DHRS12: variants seen among roughly 807,000 people sequenced by gnomAD.
DHRS12 encodes dehydrogenase/reductase 12, also known as dehydrogenase/reductase SDR family member 12.
In DHRS12, 29 loss-of-function variants were observed where a neutral mutation model predicts 32.1. The observed-to-expected ratio is 0.90, with a 90% CI of 0.67 to 1.23. The LOEUF is 1.23. Among genes scored for constraint, DHRS12 ranks in the 50% most tolerant of loss-of-function variants. DHRS12 has a pLI of 0.00. For synonymous variants in DHRS12, 150 were observed against 135.9 expected (o/e 1.10, Z -0.72); for missense variants, 330 against 337.2 (o/e 0.98, Z 0.17).
rs1953833282 is a variant in DHRS12, at chr13:51,768,110, CTT to C, written c.*75_*76del. 1.3e-6 allele frequency: 2 copies of C among 1,510,340 alleles called. No individual in the cohort carries two copies. The highest frequency in any genetic ancestry group is 2.8e-5 in the African/African-American group (2 of 71,008). The allele number at this position is 1,510,340 out of a possible 1,614,324, so 93.6% of individuals were successfully genotyped here. On this transcript the variant is annotated 3_prime_UTR_variant, in exon 9 of 9. Coordinates refer to ENST00000444610, the MANE Select transcript of DHRS12 (RefSeq NM_001377533.1). ...CGAGGGGAAGTTGAAGTGGGGTCTT[CTT>C]ATTCACTGGTCCCTAGACCGCACCT...
the DHRS12 span, chr13:51,755,329 G>C: frequency 1.9e-6 from 3 of 1,609,786 alleles, no homozygotes; most frequent in East Asian, 4.5e-5. Context: ...GCTGGCCACA[G>C]TGACCTGTTC....
the DHRS12 span, chr13:51,759,724 C>T: frequency 1.2e-6 from 2 of 1,613,782 alleles, no homozygotes; most frequent in Non-Finnish European, 1.7e-6. Context: ...TCTGTATCTT[C>T]TTTTTCTTTT....
intron 3 of DHRS12, among the ~76,000 whole-genome samples, chr13:51,790,473 C>T (rs925648585): frequency 6.6e-6 from 1 of 152,044 alleles, no homozygotes; most frequent in African/African-American, 2.4e-5. Context: ...CCAAATATAT[C>T]CAAAATAGCA....
chr13:51,797,675 G>A (rs1344994446), intron 2 of DHRS12: 1 of 746,814 alleles, frequency 1.3e-6, no homozygotes, highest in Non-Finnish European at 2.1e-6. Context: ...TCAAAAGCAG[G>A]GCCCAGCTCC....
intron 6 of DHRS12, chr13:51,772,756 A>C: frequency 2.0e-6 from 2 of 985,412 alleles, no homozygotes; most frequent in Non-Finnish European, 2.4e-6. Flanking sequence ...AAAGAACTCC[A>C]TCTCTGGGCC....
intron 1 of DHRS12, among the ~76,000 whole-genome samples, chr13:51,802,006 C>G (rs1955777575): frequency 6.6e-6 from 1 of 152,170 alleles, no homozygotes; most frequent in South Asian, 2.1e-4. Flanking sequence ...AGGACATGTC[C>G]CCGCCCTCTG....
downstream of DHRS12, chr13:51,767,853 T>TGTAGA: frequency 3.8e-6 from 1 of 264,904 alleles, no homozygotes; most frequent in Non-Finnish European, 5.6e-6. Context: ...GGAAGTGGAG[T>TGTAGA]TCACAGGGGG....
downstream of DHRS12, chr13:51,766,987 C>T (rs1451024051): frequency 6.6e-6 from 1 of 152,214 alleles, no homozygotes; most frequent in Non-Finnish European, 1.5e-5. Context: ...AGTCTAAGCA[C>T]AGCACACGGG....
intron 4 of DHRS12, among the ~76,000 whole-genome samples, chr13:51,787,178 T>C: frequency 6.6e-6 from 1 of 152,170 alleles, no homozygotes; most frequent in East Asian, 1.9e-4. Flanking sequence ...AAGATGTTTC[T>C]AACACAAACA....
intron 4 of DHRS12, among the ~76,000 whole-genome samples, chr13:51,787,753 T>G (rs7338618): frequency 3.1e-5 from 2 of 64,456 alleles, no homozygotes; most frequent in South Asian, 1.1e-3. Flanking sequence ...TTATATATTT[T>G]TATATATAAT....
intron 1 of DHRS12, among the ~76,000 whole-genome samples, chr13:51,801,922 T>A (rs903578945): frequency 2.0e-5 from 3 of 152,156 alleles, no homozygotes; most frequent in African/African-American, 4.8e-5. Context: ...TGAGGCTGGC[T>A]CCTCTGGGTT....
intron 2 of DHRS12, among the ~76,000 whole-genome samples, chr13:51,792,784 G>A (rs571640207): frequency 3.7e-4 from 56 of 152,242 alleles, no homozygotes; most frequent in East Asian, 5.8e-4. Flanking sequence ...AAGTTACGTC[G>A]TTGTTTGTTT....
In DHRS12 at chr13:51,768,068, G is replaced by C; in HGVS notation, c.*119C>G. On this transcript the variant is annotated 3_prime_UTR_variant, in exon 9 of 9. Coordinates refer to ENST00000444610, the MANE Select transcript of DHRS12 (RefSeq NM_001377533.1). Reference sequence around the variant, plus strand: ...GTTCCCATCCCTTGTAGGCCTCGCTGTGAGGCACAACGTCTTCGAGGGGAA... The same window carrying C: ...GTTCCCATCCCTTGTAGGCCTCGCTCTGAGGCACAACGTCTTCGAGGGGAA... 1 of 1,474,706 alleles carries C rather than the reference G, an allele frequency of 6.8e-7. No individual in the cohort carries two copies. Among genetic ancestry groups the C allele is most frequent in the Non-Finnish European group, 9.0e-7 (1 of 1,116,926 alleles). The allele number at this position is 1,474,706 out of a possible 1,614,324, so 91.4% of individuals were successfully genotyped here.
chr13:51,779,091 A>G (rs1954581672), intron 4 of DHRS12, among the ~76,000 whole-genome samples: 2 of 152,082 alleles, frequency 1.3e-5, no homozygotes, highest in Non-Finnish European at 1.5e-5. Context: ...CTGCATGCCA[A>G]CCCATGCCAA....
At chr13:51,788,234 G>A (rs889224870) in intron 4 of DHRS12, among the ~76,000 whole-genome samples, 2 of 151,980 alleles carry the variant, frequency 1.3e-5, no homozygotes, top group Admixed American at 6.6e-5. Flanking sequence ...GGCCAGCTGC[G>A]GCACTCTGGG....
At chr13:51,799,260 CT>C (rs1327741917) in intron 2 of DHRS12, among the ~76,000 whole-genome samples, 1 of 152,152 alleles carries the variant, frequency 6.6e-6, no homozygotes. Context: ...CCAGGGTTTG[CT>C]TGAGCCCCTC....
Position 51,768,120 on chromosome 13 carries a change from G to T in DHRS12, c.*67C>A. 6.6e-7 allele frequency: 1 copy of T among 1,526,246 alleles called. No homozygotes were observed. Among genetic ancestry groups the T allele is most frequent in the South Asian group, 1.2e-5 (1 of 82,990 alleles). 94.5% of individuals were successfully genotyped at this position (1,526,246 alleles called of 1,614,324 possible). A position where few individuals can be genotyped will look rare whatever the true frequency, so the allele number is the denominator to read the frequency against. Reference sequence around the variant, plus strand: ...TTGAAGTGGGGTCTTCTTATTCACTGGTCCCTAGACCGCACCTTCTGGTAT... The same window carrying T: ...TTGAAGTGGGGTCTTCTTATTCACTTGTCCCTAGACCGCACCTTCTGGTAT... On this transcript the variant is annotated 3_prime_UTR_variant, in exon 9 of 9. Transcript: ENST00000444610.
chr13:51,803,919 G>A (rs1955874150), intron 1 of DHRS12, 135 bp downstream of exon 1: 3 of 817,640 alleles, frequency 3.7e-6, no homozygotes, highest in Non-Finnish European at 4.9e-6. Context: ...GGGCGCACCC[G>A]TCGTTCTGGA....
Position 51,802,202 on chromosome 13 carries a change from C to G in DHRS12, c.-9+1852G>C, listed in dbSNP as rs1593578244. On this transcript the variant is annotated intron_variant, in intron 1 of 8. Coordinates refer to ENST00000444610, the MANE Select transcript of DHRS12 (RefSeq NM_001377533.1). ...ACACACACACACACACACACACACA[C>G]ACACACACACACACACGACTTTCCC... is the stretch of plus-strand genomic sequence containing the variant. 2.2e-5 allele frequency among the ~76,000 whole-genome samples: 3 copies of G among 138,198 alleles called. No homozygotes were observed. In the East Asian group the frequency reaches 6.8e-4, roughly 31 times the overall value. The allele number at this position is 138,198 out of a possible 152,430, so 90.7% of individuals were successfully genotyped here.
Sources: allele counts gnomAD v4.1 joint callset (sites outside exome capture counted in the v4.1 genomes callset), GRCh38; gene constraint gnomAD v4.1.1; transcripts MANE v1.5; gene names NCBI Gene and HGNC (gene_info 2026-07-23, HGNC 2026-07-21).